STX7: variants seen among roughly 807,000 people sequenced by gnomAD.
The protein encoded by STX7 is syntaxin 7.
Under a neutral mutation model 39.6 loss-of-function variants are expected in STX7, and 34 were observed. That is an observed-to-expected ratio of 0.86 (90% CI 0.65 to 1.14). The LOEUF (loss-of-function observed/expected upper bound fraction) is 1.14, where lower values mean the gene tolerates loss of function less well. STX7 is among the 50% of genes most tolerant of loss of function. STX7 has a pLI of 0.00. For synonymous variants in STX7, 119 were observed against 99.1 expected (o/e 1.20, Z -1.19); for missense variants, 284 against 310.4 (o/e 0.92, Z 0.64).
At chr6:132,499,892 C>G (rs1437279902) in intron 2 of STX7, among the ~76,000 whole-genome samples, 1 of 152,172 alleles carries the variant, frequency 6.6e-6, no homozygotes, top group East Asian at 1.9e-4. Flanking sequence ...CCCTACTTGT[C>G]CTGAACTGTA....
In STX7 at chr6:132,448,047, T is replaced by C. The variant is rs1774055494; in HGVS notation, c.*12711A>G. 6.6e-6 allele frequency: 1 copy of C among 152,132 alleles called. No homozygotes were observed. Among genetic ancestry groups the C allele is most frequent in the Admixed American group, 6.6e-5 (1 of 15,260 alleles). The allele number at this position is 152,132 out of a possible 1,614,324, so 9.4% of individuals were successfully genotyped here. A position where few individuals can be genotyped will look rare whatever the true frequency, so the allele number is the denominator to read the frequency against. On this transcript the variant is annotated 3_prime_UTR_variant, in exon 10 of 10. Coordinates refer to ENST00000367941, the MANE Select transcript of STX7 (RefSeq NM_003569.3). ...TATTCTTTAAAGGTTATCTGAAAATTTTCTGTTAAGTACTTAGATTAACAA... is the reference window on the plus strand; with the variant it reads ...TATTCTTTAAAGGTTATCTGAAAATCTTCTGTTAAGTACTTAGATTAACAA...
chr6:132,449,835 T>C lies in STX7; in HGVS notation c.*10923A>G, dbSNP rs1022147104. Reference sequence around the variant, plus strand: ...CTGCTAATTGCAATACCTGAATTCCTTGAATATCTAAATCTACTGTTTCTC... The same window carrying C: ...CTGCTAATTGCAATACCTGAATTCCCTGAATATCTAAATCTACTGTTTCTC... On this transcript the variant is annotated 3_prime_UTR_variant, in exon 10 of 10. Coordinates refer to ENST00000367941, the MANE Select transcript of STX7 (RefSeq NM_003569.3). 1.3e-4 allele frequency: 20 copies of C among 152,236 alleles called. No homozygotes were observed. Among genetic ancestry groups the C allele is most frequent in the African/African-American group, 3.6e-4 (15 of 41,468 alleles). The allele number at this position is 152,236 out of a possible 1,614,324, so 9.4% of individuals were successfully genotyped here.
chr6:132,473,517 G>GTTTTTTTTTTTTTTTTT (rs752590497), intron 3 of STX7, among the ~76,000 whole-genome samples: 11 of 125,780 alleles, frequency 8.7e-5, no homozygotes, highest in African/African-American at 1.5e-4. Context: ...TTATTATTGT[G>GTTTTTTTTTTTTTTTTT]TTGTTTTTTT....
At chr6:132,489,804 T>TAAA (rs1377636890) in intron 2 of STX7, among the ~76,000 whole-genome samples, 2 of 152,198 alleles carry the variant, frequency 1.3e-5, no homozygotes, top group East Asian at 3.8e-4. Flanking sequence ...ACTTTGTCAT[T>TAAA]GGTTCTCTTC....
chr6:132,511,650 A>G (rs1345401820), intron 1 of STX7, among the ~76,000 whole-genome samples: 6 of 152,212 alleles, frequency 3.9e-5, no homozygotes, highest in Admixed American at 1.3e-4. Context: ...TATCCTCTGC[A>G]AAAACTACAT....
chr6:132,463,006 G>C (rs920295018), intron 9 of STX7, among the ~76,000 whole-genome samples: 1 of 152,110 alleles, frequency 6.6e-6, no homozygotes, highest in South Asian at 2.1e-4. Context: ...TGGATCGCTT[G>C]AGCCCAGGAG....
intron 2 of STX7, among the ~76,000 whole-genome samples, chr6:132,499,050 T>C (rs1049509998): frequency 2.0e-5 from 3 of 152,208 alleles, no homozygotes; most frequent in African/African-American, 7.2e-5. Flanking sequence ...ATCTCCCATG[T>C]TTGCCCACCA....
rs1419258796 is a variant in STX7 at position 132,454,410 on chromosome 6, A to G, written c.*6348T>C. The G allele has an allele frequency of 6.6e-6, 1 of 152,160 alleles. No individual in the cohort carries two copies. The highest frequency in any genetic ancestry group is 1.5e-5 in the Non-Finnish European group (1 of 68,012). The allele number at this position is 152,160 out of a possible 1,614,324, so 9.4% of individuals were successfully genotyped here. A position where few individuals can be genotyped will look rare whatever the true frequency, so the allele number is the denominator to read the frequency against. ...CCAGTGTCAGTATCCTGGGTATGAT[A>G]TTGTATGACAGTTTTGAAAGATGTT... On this transcript the variant is annotated 3_prime_UTR_variant, in exon 10 of 10. Coordinates refer to ENST00000367941, the MANE Select transcript of STX7 (RefSeq NM_003569.3).
At chr6:132,507,539 A>G (rs937535639) in intron 1 of STX7, among the ~76,000 whole-genome samples, 1 of 152,182 alleles carries the variant, frequency 6.6e-6, no homozygotes, top group Non-Finnish European at 1.5e-5. Context: ...TATTCTGGAC[A>G]TTTCATAGGA....
chr6:132,493,509 G>T (rs749484930), intron 2 of STX7, among the ~76,000 whole-genome samples: 2 of 152,080 alleles, frequency 1.3e-5, no homozygotes, highest in African/African-American at 2.4e-5. Context: ...TTTATAAAGG[G>T]GAGCTCCCCT....
At chr6:132,492,940 C>A (rs1205246301) in intron 2 of STX7, among the ~76,000 whole-genome samples, 1 of 152,192 alleles carries the variant, frequency 6.6e-6, no homozygotes, top group Non-Finnish European at 1.5e-5. Flanking sequence ...CCATGCCCAG[C>A]AGCAAGGCAG....
rs558616831 is a variant in STX7, at chr6:132,479,590, C to A, written c.86-3928G>T. ...CGTATGTCAGTCAGCCTATCCCTCA[C>A]CCCAACTCCTGAAGCACTTGTTCAG... is the stretch of plus-strand genomic sequence containing the variant. On this transcript the variant is annotated intron_variant, in intron 2 of 9. Transcript: ENST00000367941. Among the ~76,000 whole-genome samples, 5 of 152,260 alleles carry A rather than the reference C, an allele frequency of 3.3e-5. No homozygotes were observed. The East Asian group carries it at 7.7e-4, about 23-fold the overall frequency.
chr6:132,509,224 C>T (rs1775779075), intron 1 of STX7, among the ~76,000 whole-genome samples: 1 of 151,974 alleles, frequency 6.6e-6, no homozygotes, highest in Non-Finnish European at 1.5e-5. Context: ...CTTTGGAAGG[C>T]CAAGACAGGC....
Position 132,471,490 on chromosome 6 carries a change from A to T in STX7, c.360T>A (p.Ala120=). ...ACACTCTGGAACTGGCTCTTACTCG[A>T]GCAACAAACTCTTTCTCTCGCTCAG... ...QAAEREKEFV[A]RVRASSRVSG... is the part of the protein sequence containing the mutation. The change falls in exon 5 of 10, where the codon GCT becomes GCA. Residue 120 remains alanine, a synonymous_variant. Coordinates refer to ENST00000367941, the MANE Select transcript of STX7 (RefSeq NM_003569.3). 6.2e-7 allele frequency: 1 copy of T among 1,613,940 alleles called. No individual in the cohort carries two copies. Among genetic ancestry groups the T allele is most frequent in the East Asian group, 2.2e-5 (1 of 44,866 alleles).
intron 2 of STX7, among the ~76,000 whole-genome samples, chr6:132,488,384 G>A (rs914625723): frequency 6.6e-6 from 1 of 152,198 alleles, no homozygotes; most frequent in Non-Finnish European, 1.5e-5. Flanking sequence ...TGTTCTATAA[G>A]TGGCTGTCAC....
intron 2 of STX7, among the ~76,000 whole-genome samples, chr6:132,477,301 G>A (rs1774898890): frequency 6.6e-6 from 1 of 152,020 alleles, no homozygotes; most frequent in Non-Finnish European, 1.5e-5. Context: ...CTGCCTTATA[G>A]GGGCTTTATT....
intron 2 of STX7, among the ~76,000 whole-genome samples, chr6:132,488,389 T>C (rs1379559469): frequency 6.6e-6 from 1 of 152,238 alleles, no homozygotes; most frequent in East Asian, 1.9e-4. Flanking sequence ...TATAAGTGGC[T>C]GTCACCATCA....
At chr6:132,479,045 C>A (rs935502982) in intron 2 of STX7, among the ~76,000 whole-genome samples, 4 of 152,162 alleles carry the variant, frequency 2.6e-5, no homozygotes, top group African/African-American at 9.7e-5. Flanking sequence ...CATAAGTAAG[C>A]CAGCAGGTAG....
In STX7 at chr6:132,460,343, AT is replaced by A. The variant is rs1246093312; in HGVS notation, c.*414del. ...GAGAATATTTTCCCTGCTGAAGCAA[AT>A]CAAAATTAAATTTGAGAATTTTAAT... On this transcript the variant is annotated 3_prime_UTR_variant, in exon 10 of 10. Transcript: ENST00000367941. 6.5e-6 allele frequency: 1 copy of A among 153,334 alleles called. No individual in the cohort carries two copies. Among genetic ancestry groups the A allele is most frequent in the Non-Finnish European group, 1.5e-5 (1 of 68,852 alleles). 9.5% of individuals were successfully genotyped at this position (153,334 alleles called of 1,614,324 possible).
Sources: allele counts gnomAD v4.1 joint callset (sites outside exome capture counted in the v4.1 genomes callset), GRCh38; gene constraint gnomAD v4.1.1; transcripts MANE v1.5; gene names NCBI Gene and HGNC (gene_info 2026-07-23, HGNC 2026-07-21).